Variants in LHCGR observed in about 807,000 individuals in gnomAD.
LHCGR encodes luteinizing hormone/choriogonadotropin receptor, also known as lutropin-choriogonadotropic hormone receptor.
In LHCGR, 55 loss-of-function variants were observed where a neutral mutation model predicts 60.7. The observed-to-expected ratio is 0.91, with a 90% CI of 0.73 to 1.13. The LOEUF is 1.13. Among genes scored for constraint, LHCGR ranks in the 50% most tolerant of loss-of-function variants. LHCGR has a pLI of 0.00. For synonymous variants in LHCGR, 337 were observed against 316.5 expected, an observed-to-expected ratio of 1.06 and a Z score of -0.69; for missense variants, 862 against 836.0, an observed-to-expected ratio of 1.03 and a Z score of -0.38.
At chr2:48,711,575 C>T (rs2104425794) in intron 7 of LHCGR, among the ~76,000 whole-genome samples, 1 of 152,306 alleles carries the variant, frequency 6.6e-6, no homozygotes, top group Non-Finnish European at 1.5e-5. Context: ...ATCTCTGTAA[C>T]AGCTGATATG....
At chr2:48,730,119 A>G (rs912671006) in intron 2 of LHCGR, among the ~76,000 whole-genome samples, 1 of 152,238 alleles carries the variant, frequency 6.6e-6, no homozygotes, top group Admixed American at 6.5e-5. Flanking sequence ...GTTAAGGCTC[A>G]CTGAAGGCTT....
At position 48,688,261 on chromosome 2, in the gene LHCGR, A is replaced by G. The variant is rs750131771; in HGVS notation, c.1536T>C (p.Ser512=). Residue 512 remains serine (S), a synonymous_variant, in exon 11 of 11, where the codon AGT becomes AGC. Coordinates refer to ENST00000294954, the MANE Select transcript of LHCGR (RefSeq NM_000233.4). This position sits in a 1 kb window ranked among gnomAD's most constrained non-coding sequence, Gnocchi z 5.2. ...LVGVSNYMKV[S]ICFPMDVETT... ...TTTCCACATCCATGGGGAAGCAAAT[A>G]CTGACCTTCATGTAATTGCTGACAC... is the stretch of plus-strand genomic sequence containing the variant. 7 of 1,614,184 alleles carry G rather than the reference A, an allele frequency of 4.3e-6. No individual in the cohort carries two copies. The highest frequency in any genetic ancestry group is 1.6e-4 in the Middle Eastern group (1 of 6,062).
chr2:48,687,794 G>A lies in LHCGR; in HGVS notation c.2003C>T (p.Thr668Ile). The A allele has an allele frequency of 6.2e-7, 1 of 1,614,112 alleles. No individual in the cohort carries two copies. Among genetic ancestry groups the A allele is most frequent in the Non-Finnish European group, 8.5e-7 (1 of 1,179,974 alleles). Residue 668 changes from threonine to isoleucine, a missense_variant, in exon 11 of 11, where the codon ACT (threonine) becomes ATT (isoleucine). By Grantham distance (89) the Thr-to-Ile change is moderately conservative. Coordinates refer to ENST00000294954, the MANE Select transcript of LHCGR (RefSeq NM_000233.4). ...AYTSNCKNGFTGSNKPSQSTL... is the reference protein window; with the variant it reads ...AYTSNCKNGFIGSNKPSQSTL... The stretch of plus-strand genomic sequence containing the variant: ...GGATTGAGAAGGCTTATTTGATCCA[G>A]TGAAGCCATTTTTGCAGTTGGAGGT...
chr2:48,745,422 A>G (rs1325808722), intron 1 of LHCGR, among the ~76,000 whole-genome samples: 3 of 152,184 alleles, frequency 2.0e-5, no homozygotes, highest in Admixed American at 1.3e-4. Flanking sequence ...CATTATTCAC[A>G]ATAGCAAAGA....
rs188002889 is a variant in LHCGR at position 48,755,616 on chromosome 2, G to T, written c.56C>A (p.Pro19Gln). 1.0e-5 allele frequency: 16 copies of T among 1,532,452 alleles called. No individual in the cohort carries two copies. Among genetic ancestry groups the T allele is most frequent in the Non-Finnish European group, 1.3e-5 (15 of 1,142,874 alleles). 94.9% of individuals were successfully genotyped at this position (1,532,452 alleles called of 1,614,324 possible). ...QLLKLLLLLQ[P>Q]PLPRALREAL... ...CTCGCGCAGCGCTCGTGGCAGCGGCGGCTGCAGCAGCAGCAGCAGCTTCAG... is the reference window on the plus strand; with the variant it reads ...CTCGCGCAGCGCTCGTGGCAGCGGCTGCTGCAGCAGCAGCAGCAGCTTCAG... Residue 19 changes from proline to glutamine, a missense_variant, in exon 1 of 11, where the codon CCG becomes CAG. Pro to Gln is a moderately conservative substitution (Grantham distance 76). Transcript: ENST00000294954.
chr2:48,710,694 C>A (rs1229653403), intron 7 of LHCGR, among the ~76,000 whole-genome samples: 1 of 152,176 alleles, frequency 6.6e-6, no homozygotes, highest in African/African-American at 2.4e-5. Context: ...TGGACTGACT[C>A]CTAGACCCCT....
chr2:48,716,526 A>G (rs1668258264), intron 6 of LHCGR, among the ~76,000 whole-genome samples: 1 of 152,184 alleles, frequency 6.6e-6, no homozygotes. Context: ...AGTTTCACAT[A>G]CTAGCTCTAC....
Position 48,688,745 on chromosome 2 carries a change from T to G in LHCGR, c.1052A>C (p.Asn351Thr), listed in dbSNP as rs151039913. Residue 351 changes from asparagine (N) to threonine (T), a missense_variant, in exon 11 of 11, where the codon AAT becomes ACT. Transcript: ENST00000294954. This position sits in a 1 kb window ranked among gnomAD's most constrained non-coding sequence, Gnocchi z 5.2. ...PRCAPEPDAF[N>T]PCEDIMGYDF... is the part of the protein sequence containing the mutation. Reference sequence around the variant, plus strand: ...ATAGCCCATAATATCTTCACAGGGATTAAAAGCATCTGGTTCAGGAGCACA... The same window carrying G: ...ATAGCCCATAATATCTTCACAGGGAGTAAAAGCATCTGGTTCAGGAGCACA... 1.3e-5 allele frequency: 21 copies of G among 1,614,072 alleles called. No homozygotes were observed. The highest frequency in any genetic ancestry group is 5.1e-6 in the Non-Finnish European group (6 of 1,179,998).
At chr2:48,702,070 C>T (rs776349014) in intron 8 of LHCGR, among the ~76,000 whole-genome samples, 8 of 152,068 alleles carry the variant, frequency 5.3e-5, no homozygotes, top group South Asian at 2.1e-4. Context: ...AGTAGGGTGT[C>T]GTGGACTGCC....
At chr2:48,716,786 ACT>A (rs1668268951) in intron 6 of LHCGR, among the ~76,000 whole-genome samples, 1 of 151,934 alleles carries the variant, frequency 6.6e-6, no homozygotes, top group Non-Finnish European at 1.5e-5. Context: ...AAGGAATCAC[ACT>A]CTTTTTCTGA....
chr2:48,688,230 G>C lies in LHCGR; in HGVS notation c.1567C>G (p.Leu523Val), dbSNP rs1280460671. Reference sequence around the variant, plus strand: ...ATGGTTAATATATAGACTTGTGAGAGAGTGGTTTCCACATCCATGGGGAAG... The same window carrying C: ...ATGGTTAATATATAGACTTGTGAGACAGTGGTTTCCACATCCATGGGGAAG... ...ICFPMDVETT[L>V]SQVYILTILI... The change falls in exon 11 of 11, where the codon CTC (leucine) becomes GTC (valine). Residue 523 changes from leucine (L) to valine (V), a missense_variant. Coordinates refer to ENST00000294954, the MANE Select transcript of LHCGR (RefSeq NM_000233.4). This position sits in a 1 kb window ranked among gnomAD's most constrained non-coding sequence, Gnocchi z 5.2. 3.7e-6 allele frequency: 6 copies of C among 1,614,154 alleles called. No homozygotes were observed. The highest frequency in any genetic ancestry group is 5.1e-6 in the Non-Finnish European group (6 of 1,180,020).
intron 1 of LHCGR, among the ~76,000 whole-genome samples, chr2:48,745,348 A>G (rs1305091991): frequency 3.9e-5 from 6 of 152,222 alleles, no homozygotes; most frequent in Admixed American, 3.9e-4. Flanking sequence ...ATTACTGGGT[A>G]TATACCCAAA....
chr2:48,710,692 C>T (rs746885253), intron 7 of LHCGR, among the ~76,000 whole-genome samples: 2 of 152,210 alleles, frequency 1.3e-5, no homozygotes, highest in Non-Finnish European at 2.9e-5. Context: ...TATGGACTGA[C>T]TCCTAGACCC....
chr2:48,693,834 T>C (rs1178790328), intron 10 of LHCGR, among the ~76,000 whole-genome samples: 4 of 152,238 alleles, frequency 2.6e-5, no homozygotes, highest in Non-Finnish European at 5.9e-5. Context: ...GGGAAGTGGC[T>C]ACTTTTAAGC....
At position 48,721,491 on chromosome 2, in the gene LHCGR, T is replaced by G. The variant is rs929574429; in HGVS notation, c.536+1965A>C. On this transcript the variant is annotated intron_variant, in intron 6 of 10. Coordinates refer to ENST00000294954, the MANE Select transcript of LHCGR (RefSeq NM_000233.4). ...TTGAAATTATTTTTGGTTGCTGCTC[T>G]GTATTCTTTTGATTGCATTAATCTG... 4 of 289,138 alleles carry G rather than the reference T, an allele frequency of 1.4e-5. No homozygotes were observed. In the East Asian group the frequency reaches 3.2e-4, roughly 23 times the overall value. The allele number at this position is 289,138 out of a possible 1,614,324, so 17.9% of individuals were successfully genotyped here. A position where few individuals can be genotyped will look rare whatever the true frequency, so the allele number is the denominator to read the frequency against.
rs1477806802 is a variant in LHCGR at position 48,738,504 on chromosome 2, C to A, written c.162-7206G>T. Among the ~76,000 whole-genome samples the A allele has an allele frequency of 3.3e-5, 5 of 152,340 alleles. No homozygotes were observed. The South Asian group carries it at 1.0e-3, about 32-fold the overall frequency. Reference sequence around the variant, plus strand: ...CTGACAACTCCTGCTATGTCATTCTCATGTCAAGCAGCTTCTTTGCCACCC... The same window carrying A: ...CTGACAACTCCTGCTATGTCATTCTAATGTCAAGCAGCTTCTTTGCCACCC... On this transcript the variant is annotated intron_variant, in intron 1 of 10. Coordinates refer to ENST00000294954, the MANE Select transcript of LHCGR (RefSeq NM_000233.4).
chr2:48,728,293 A>G (rs1415055293), intron 3 of LHCGR, among the ~76,000 whole-genome samples: 1 of 152,134 alleles, frequency 6.6e-6, no homozygotes, highest in East Asian at 1.9e-4. Flanking sequence ...CCCACTCTGC[A>G]TGGTAGCTGT....
At position 48,729,146 on chromosome 2, in the gene LHCGR, T is replaced by C. The variant is rs755258574; in HGVS notation, c.308+7A>G. The C allele has an allele frequency of 1.2e-6, 2 of 1,602,048 alleles. No individual in the cohort carries two copies. The highest frequency in any genetic ancestry group is 2.2e-5 in the South Asian group (2 of 90,844). On this transcript the variant is annotated splice_region_variant and intron_variant, in intron 3 of 10. Coordinates refer to ENST00000294954, the MANE Select transcript of LHCGR (RefSeq NM_000233.4). ...CAGCAGTAAACTGTCTGTTAGCTGA[T>C]GCTTACATTTCAGACAAATTGAGGA... is the stretch of plus-strand genomic sequence containing the variant.
At chr2:48,725,847 T>C in intron 3 of LHCGR, 97 bp from the exon 4 acceptor site, 3 of 1,000,812 alleles carry the variant, frequency 3.0e-6, no homozygotes, top group Admixed American at 1.7e-5. Context: ...TGGCTGAAAA[T>C]GGCATCAGCA....
Sources: allele counts gnomAD v4.1 joint callset (sites outside exome capture counted in the v4.1 genomes callset), GRCh38; gene constraint gnomAD v4.1.1; non-coding constraint Gnocchi (gnomAD v3.1); transcripts MANE v1.5; gene names NCBI Gene and HGNC (gene_info 2026-07-23, HGNC 2026-07-21).